The following STT3B variants were observed in gnomAD, a reference collection of about 807,000 sequenced individuals.
The protein encoded by STT3B is dolichyl-diphosphooligosaccharide--protein glycosyltransferase subunit STT3B.
In STT3B, 29 loss-of-function variants were observed where a neutral mutation model predicts 96.8. That is an observed-to-expected ratio of 0.30 (90% CI 0.22 to 0.41). STT3B has a LOEUF of 0.41. Among genes scored for constraint, STT3B ranks in the 10% least tolerant of loss-of-function variants. STT3B has a pLI of 1.00. For synonymous variants in STT3B, 367 were observed against 360.0 expected (o/e 1.02, Z -0.22); for missense variants, 640 against 1,022.3 (o/e 0.63, Z 5.10).
At chr3:31,630,573 C>A (rs899298987) in intron 14 of STT3B, among the ~76,000 whole-genome samples, 1 of 152,152 alleles carries the variant, frequency 6.6e-6, no homozygotes, top group African/African-American at 2.4e-5. Flanking sequence ...TTAATCTGTC[C>A]TTTGTTATAA....
At chr3:31,613,158 C>T (rs183549573) in intron 5 of STT3B, among the ~76,000 whole-genome samples, 12 of 152,120 alleles carry the variant, frequency 7.9e-5, no homozygotes, top group African/African-American at 2.9e-4. Context: ...CAACCTTATG[C>T]GTGTACTCAA....
intron 3 of STT3B, among the ~76,000 whole-genome samples, chr3:31,581,752 G>T (rs1167264454): frequency 6.6e-6 from 1 of 152,168 alleles, no homozygotes; most frequent in Non-Finnish European, 1.5e-5. Flanking sequence ...TTTTGGAAAA[G>T]ATTGAGGAGG....
intron 5 of STT3B, among the ~76,000 whole-genome samples, chr3:31,601,438 A>G (rs1051187158): frequency 6.6e-6 from 1 of 152,242 alleles, no homozygotes; most frequent in Non-Finnish European, 1.5e-5. Context: ...TATGTAAAAA[A>G]GCCAGACATA....
intron 5 of STT3B, among the ~76,000 whole-genome samples, chr3:31,606,044 G>T (rs1422569755): frequency 6.6e-6 from 1 of 151,918 alleles, no homozygotes; most frequent in African/African-American, 2.4e-5. Flanking sequence ...CCCTGCCCTA[G>T]AGATTTGTGG....
At chr3:31,536,001 C>T (rs1697083182) in intron 1 of STT3B, among the ~76,000 whole-genome samples, 1 of 152,174 alleles carries the variant, frequency 6.6e-6, no homozygotes, top group African/African-American at 2.4e-5. Flanking sequence ...CAGTATGAAT[C>T]TAATATAATG....
chr3:31,635,458 T>G (rs187597947), intron 15 of STT3B, among the ~76,000 whole-genome samples: 1 of 152,346 alleles, frequency 6.6e-6, no homozygotes, highest in East Asian at 1.9e-4. Flanking sequence ...CATTTTCAAT[T>G]GCTTATTTTC....
chr3:31,588,063 C>G (rs963848645), intron 3 of STT3B, among the ~76,000 whole-genome samples: 1 of 152,004 alleles, frequency 6.6e-6, no homozygotes, highest in Admixed American at 6.6e-5. Context: ...AGAATTTTTC[C>G]CTTATTGTTG....
chr3:31,630,503 C>A (rs1344067568), intron 14 of STT3B, among the ~76,000 whole-genome samples: 2 of 152,188 alleles, frequency 1.3e-5, no homozygotes, highest in Non-Finnish European at 2.9e-5. Context: ...AGTTCCTTTT[C>A]ATTGAGGTTT....
intron 1 of STT3B, among the ~76,000 whole-genome samples, chr3:31,572,961 CAG>C (rs1003731762): frequency 6.6e-6 from 1 of 152,164 alleles, no homozygotes; most frequent in African/African-American, 2.4e-5. Context: ...ATTAAGGAAA[CAG>C]ATGTGAAATT....
chr3:31,533,076 G>A lies in STT3B; in HGVS notation c.78G>A (p.Leu26=), dbSNP rs766653905. ...CCCCGTGGAGTGGCCTCATGGCCCT[G>A]GGAAACAGCCGGCACGGCCACCACG... is the stretch of plus-strand genomic sequence containing the variant. ...NSSPWSGLMA[L]GNSRHGHHGP... is the part of the protein sequence containing the mutation. The change falls in exon 1 of 16, where the codon CTG becomes CTA. Residue 26 remains leucine (L), a synonymous_variant. Coordinates refer to ENST00000295770, the MANE Select transcript of STT3B (RefSeq NM_178862.3). 6.5e-7 allele frequency: 1 copy of A among 1,549,868 alleles called. No homozygotes were observed. Among genetic ancestry groups the A allele is most frequent in the Non-Finnish European group, 8.7e-7 (1 of 1,151,116 alleles).
chr3:31,596,168 T>C (rs1290197505), intron 3 of STT3B, among the ~76,000 whole-genome samples: 2 of 152,218 alleles, frequency 1.3e-5, no homozygotes, highest in African/African-American at 4.8e-5. Flanking sequence ...TTCCAAGATA[T>C]GAACTGTAGT....
chr3:31,542,535 AT>A (rs1474673886), intron 1 of STT3B, among the ~76,000 whole-genome samples: 6 of 152,214 alleles, frequency 3.9e-5, no homozygotes, highest in Non-Finnish European at 8.8e-5. Context: ...GTCAGCCAGT[AT>A]TTCTACAGAA....
intron 5 of STT3B, among the ~76,000 whole-genome samples, chr3:31,612,553 C>A (rs1472020162): frequency 6.6e-6 from 1 of 152,132 alleles, no homozygotes; most frequent in Admixed American, 6.5e-5. Flanking sequence ...CCCACCTGGG[C>A]TTTTTCATTT....
chr3:31,632,394 A>T (rs1699682243), intron 14 of STT3B, among the ~76,000 whole-genome samples: 1 of 152,194 alleles, frequency 6.6e-6, no homozygotes, highest in South Asian at 2.1e-4. Flanking sequence ...TTTTAGCGTT[A>T]AGTAAAGATG....
intron 8 of STT3B, among the ~76,000 whole-genome samples, chr3:31,618,875 TA>T (rs778931994): frequency 3.3e-5 from 5 of 151,996 alleles, no homozygotes; most frequent in Non-Finnish European, 7.4e-5. Flanking sequence ...TATTATAAAG[TA>T]ATAATATAAC....
At chr3:31,612,003 A>G (rs1276317596) in intron 5 of STT3B, among the ~76,000 whole-genome samples, 1 of 152,222 alleles carries the variant, frequency 6.6e-6, no homozygotes, top group Non-Finnish European at 1.5e-5. Flanking sequence ...TTATCTGGCA[A>G]GCAATCTTCA....
chr3:31,589,112 G>C (rs7622213), intron 3 of STT3B, among the ~76,000 whole-genome samples: 139,957 of 152,082 alleles, frequency 0.92, 64,571 homozygotes, highest in East Asian at 0.96. Flanking sequence ...TTTCTTTCAT[G>C]AGAGTTTGGT....
chr3:31,582,321 G>A (rs1276968872), intron 3 of STT3B, among the ~76,000 whole-genome samples: 4 of 141,372 alleles, frequency 2.8e-5, no homozygotes, highest in South Asian at 2.2e-4. Context: ...TTTTGGAGAC[G>A]GAGTCTTGCT....
At chr3:31,582,585 G>A (rs1453613520) in intron 3 of STT3B, among the ~76,000 whole-genome samples, 3 of 151,858 alleles carry the variant, frequency 2.0e-5, no homozygotes, top group Non-Finnish European at 4.4e-5. Context: ...GAGCCACCGC[G>A]CCCAGCCCTA....
Sources: allele counts gnomAD v4.1 joint callset (sites outside exome capture counted in the v4.1 genomes callset), GRCh38; gene constraint gnomAD v4.1.1; transcripts MANE v1.5; gene names NCBI Gene and HGNC (gene_info 2026-07-23, HGNC 2026-07-21).